RAD51B: variants seen among roughly 807,000 people sequenced by gnomAD.
RAD51B encodes RAD51 paralog B, also known as DNA repair protein RAD51 homolog 2.
A neutral mutation model predicts 42.2 loss-of-function variants in RAD51B; 38 were observed. The observed-to-expected ratio is 0.90, with a 90% CI of 0.70 to 1.18. The LOEUF is 1.18. Among genes scored for constraint, RAD51B ranks in the 50% most tolerant of loss-of-function variants. The pLI is 0.00. For missense variants in RAD51B, 373 were observed against 400.7 expected, an observed-to-expected ratio of 0.93 and a Z score of 0.59; for synonymous variants, 154 against 145.2, an observed-to-expected ratio of 1.06 and a Z score of -0.43.
At chr14:68,292,613 G>A (rs2081537644) in intron 8 of RAD51B, among the ~76,000 whole-genome samples, 1 of 152,160 alleles carries the variant, frequency 6.6e-6, no homozygotes, top group African/African-American at 2.4e-5. Context: ...TTGTAGTCTA[G>A]TATCTTTCAT....
chr14:68,251,732 G>C (rs1424997285), intron 7 of RAD51B, among the ~76,000 whole-genome samples: 1 of 152,140 alleles, frequency 6.6e-6, no homozygotes, highest in Non-Finnish European at 1.5e-5. Context: ...TCAGTGCTGT[G>C]CTTTTCCATC....
intron 7 of RAD51B, among the ~76,000 whole-genome samples, chr14:68,166,159 A>G (rs1595498571): frequency 7.8e-6 from 1 of 128,892 alleles, no homozygotes; most frequent in Non-Finnish European, 1.6e-5. Flanking sequence ...CAGGTACATT[A>G]TTTCTGCTCT....
intron 7 of RAD51B, among the ~76,000 whole-genome samples, chr14:68,266,138 G>C (rs2080987512): frequency 6.6e-6 from 1 of 152,204 alleles, no homozygotes; most frequent in Admixed American, 6.5e-5. Flanking sequence ...AGGAGCTGTA[G>C]GGTTAGAAGA....
intron 8 of RAD51B, among the ~76,000 whole-genome samples, chr14:68,359,150 A>G (rs1161763618): frequency 6.6e-6 from 1 of 152,102 alleles, no homozygotes; most frequent in African/African-American, 2.4e-5. Context: ...CGACCTTACG[A>G]AAAACCACGG....
At chr14:67,864,346 C>T (rs2042257255) in intron 4 of RAD51B, among the ~76,000 whole-genome samples, 1 of 152,256 alleles carries the variant, frequency 6.6e-6, no homozygotes, top group Non-Finnish European at 1.5e-5. Context: ...ATGAAGATTT[C>T]AAAACAGACA....
intron 7 of RAD51B, among the ~76,000 whole-genome samples, chr14:68,275,938 G>A (rs1315292112): frequency 6.6e-6 from 1 of 152,000 alleles, no homozygotes; most frequent in African/African-American, 2.4e-5. Flanking sequence ...AGGAGATTAT[G>A]TAGACATCTT....
At chr14:68,225,054 T>C (rs944781479) in intron 7 of RAD51B, among the ~76,000 whole-genome samples, 2 of 152,106 alleles carry the variant, frequency 1.3e-5, no homozygotes, top group African/African-American at 4.8e-5. Context: ...GAAAGAATGT[T>C]TGTTAAGAAA....
At chr14:68,076,710 A>G (rs974788378) in intron 7 of RAD51B, among the ~76,000 whole-genome samples, 2 of 152,224 alleles carry the variant, frequency 1.3e-5, no homozygotes, top group African/African-American at 4.8e-5. Flanking sequence ...AAGAATATGT[A>G]TGATATTTTA....
chr14:68,556,240 A>C (rs1888837358), intron 10 of RAD51B, among the ~76,000 whole-genome samples: 2 of 152,122 alleles, frequency 1.3e-5, no homozygotes, highest in Admixed American at 6.5e-5. Context: ...ACAGACCTCA[A>C]ACGTGAAAAC....
Position 68,260,319 on chromosome 14 carries a change from G to GTGTGT in RAD51B, c.757-31565_757-31564insTGTGT, listed in dbSNP as rs1555383057. Among the ~76,000 whole-genome samples the GTGTGT allele has an allele frequency of 8.1e-5, 11 of 136,236 alleles. 1 individual carries two copies. The highest frequency in any genetic ancestry group is 6.5e-4 in the South Asian group (3 of 4,608). The allele number at this position is 136,236 out of a possible 152,430, so 89.4% of individuals were successfully genotyped here. A position where few individuals can be genotyped will look rare whatever the true frequency, so the allele number is the denominator to read the frequency against. On this transcript the variant is annotated intron_variant, in intron 7 of 10. Coordinates refer to ENST00000471583, the MANE Select transcript of RAD51B (RefSeq NM_133510.4). ...AGACCGTGTGTGTGTGTGTGTGTGT[G>GTGTGT]GAGAGGGGAAGACAGCGGGGGTAGA...
In RAD51B at chr14:68,503,416, A is replaced by G. The variant is rs116014652; in HGVS notation, c.1036+35166A>G. Among the ~76,000 whole-genome samples, 234 of 152,156 alleles carry G rather than the reference A, an allele frequency of 1.5e-3. 1 individual carries two copies. The highest frequency in any genetic ancestry group is 5.5e-3 in the African/African-American group (227 of 41,506). ...GAGGAGAAACAGCTGAGGAGGAGGC[A>G]TCTCCCTTCCCCCTCCTCCAGAGGC... On this transcript the variant is annotated intron_variant, in intron 10 of 10. Coordinates refer to the RAD51B transcript ENST00000487270.
intron 7 of RAD51B, among the ~76,000 whole-genome samples, chr14:67,957,965 T>C: frequency 6.6e-6 from 1 of 152,214 alleles, no homozygotes; most frequent in African/African-American, 2.4e-5. Context: ...TGTACGTTCA[T>C]TCAGTCCTCA....
chr14:68,151,711 C>A (rs2078386261), intron 7 of RAD51B, among the ~76,000 whole-genome samples: 1 of 151,104 alleles, frequency 6.6e-6, no homozygotes, highest in Admixed American at 6.6e-5. Flanking sequence ...ACCATTAATT[C>A]TATCCAGTGT....
intron 11 of RAD51B, among the ~76,000 whole-genome samples, chr14:68,653,124 G>A (rs997229788): frequency 6.6e-5 from 10 of 152,288 alleles, no homozygotes; most frequent in African/African-American, 2.4e-4. Flanking sequence ...GTGGGCTCAC[G>A]GTGACCCACA....
chr14:68,107,470 A>C (rs1356555786), intron 7 of RAD51B, among the ~76,000 whole-genome samples: 1 of 151,840 alleles, frequency 6.6e-6, no homozygotes, highest in African/African-American at 2.4e-5. Flanking sequence ...ACCTTAACCA[A>C]TACTAAAATT....
intron 7 of RAD51B, among the ~76,000 whole-genome samples, chr14:68,012,543 T>C (rs1036215731): frequency 6.6e-6 from 1 of 152,142 alleles, no homozygotes; most frequent in Non-Finnish European, 1.5e-5. Context: ...TCTATATTAG[T>C]AGTAATAGTT....
chr14:68,671,690 A>G (rs147961071), intron 11 of RAD51B, among the ~76,000 whole-genome samples: 35 of 152,138 alleles, frequency 2.3e-4, no homozygotes, highest in African/African-American at 8.2e-4. Context: ...TGTTTCAGAT[A>G]TGTTGGCTTT....
intron 8 of RAD51B, among the ~76,000 whole-genome samples, chr14:68,322,005 C>T (rs1022486968): frequency 1.6e-4 from 24 of 152,232 alleles, no homozygotes; most frequent in African/African-American, 5.5e-4. Flanking sequence ...AACTCCTGAG[C>T]TCAGGGGATC....
chr14:67,987,623 A>G (rs1292662645), intron 7 of RAD51B, among the ~76,000 whole-genome samples: 1 of 152,186 alleles, frequency 6.6e-6, no homozygotes, highest in African/African-American at 2.4e-5. Flanking sequence ...AACATTTAAT[A>G]TACAGGTTTT....
Sources: allele counts gnomAD v4.1 joint callset (sites outside exome capture counted in the v4.1 genomes callset), GRCh38; gene constraint gnomAD v4.1.1; transcripts MANE v1.5; gene names NCBI Gene and HGNC (gene_info 2026-07-23, HGNC 2026-07-21).